Variants in SLIT3 observed in about 807,000 individuals in gnomAD.
SLIT3 encodes slit homolog 3 protein.
SLIT3 carries 68 observed loss-of-function variants against 184.0 expected under a neutral mutation model. The observed-to-expected ratio is 0.37, with a 90% CI of 0.30 to 0.45. SLIT3 has a LOEUF of 0.45. SLIT3 is among the 20% of genes least tolerant of loss of function. The pLI, the probability that SLIT3 is intolerant of heterozygous loss-of-function variation, is 1.00. For missense variants in SLIT3, 1,707 were observed against 2,026.0 expected (o/e 0.84, Z 3.02); for synonymous variants, 831 against 828.6 (o/e 1.00, Z -0.05).
intron 5 of SLIT3, among the ~76,000 whole-genome samples, chr5:168,863,051 C>T (rs898930135): frequency 1.3e-5 from 2 of 152,150 alleles, no homozygotes; most frequent in African/African-American, 4.8e-5. Context: ...GAGACGAATG[C>T]CATGCATACA....
intron 4 of SLIT3, among the ~76,000 whole-genome samples, chr5:168,947,981 G>A (rs111955900): frequency 0.06 from 9,091 of 151,704 alleles, 944 homozygotes; most frequent in African/African-American, 0.21. Flanking sequence ...AGTAGAGATG[G>A]GGGTCTCGCC....
At chr5:169,090,422 C>T (rs1759532603) in intron 4 of SLIT3, among the ~76,000 whole-genome samples, 2 of 152,250 alleles carry the variant, frequency 1.3e-5, no homozygotes, top group South Asian at 2.1e-4. Context: ...AACAACCCCA[C>T]GGAGTCACAG....
chr5:169,125,789 G>A (rs1473155859), intron 4 of SLIT3, among the ~76,000 whole-genome samples: 4 of 152,186 alleles, frequency 2.6e-5, no homozygotes, highest in African/African-American at 7.2e-5. Flanking sequence ...TCCTGCCAAC[G>A]AACGCATTCC....
intron 16 of SLIT3, among the ~76,000 whole-genome samples, chr5:168,756,676 T>C (rs1754958716): frequency 6.6e-6 from 1 of 152,186 alleles, no homozygotes; most frequent in Non-Finnish European, 1.5e-5. Context: ...CTGAGGAGAC[T>C]GCCAATTACC....
chr5:169,189,240 C>T (rs2113460963), intron 4 of SLIT3, among the ~76,000 whole-genome samples: 1 of 152,018 alleles, frequency 6.6e-6, no homozygotes, highest in East Asian at 1.9e-4. Flanking sequence ...AAGGGAATCC[C>T]TTGGATATAT....
chr5:168,939,348 G>C (rs2113200048), intron 4 of SLIT3, among the ~76,000 whole-genome samples: 1 of 152,274 alleles, frequency 6.6e-6, no homozygotes, highest in South Asian at 2.1e-4. Context: ...TACTGGACAA[G>C]GAATTCTGGC....
chr5:168,865,335 C>G (rs997148983), intron 5 of SLIT3, among the ~76,000 whole-genome samples: 1 of 152,058 alleles, frequency 6.6e-6, no homozygotes, highest in African/African-American at 2.4e-5. Flanking sequence ...GGAAACAATC[C>G]AAATGCCCAT....
chr5:168,692,404 A>C (rs1165282267), intron 29 of SLIT3, among the ~76,000 whole-genome samples: 1 of 152,128 alleles, frequency 6.6e-6, no homozygotes, highest in African/African-American at 2.4e-5. Flanking sequence ...CTATCTACAG[A>C]GACTTAGAGA....
intron 4 of SLIT3, among the ~76,000 whole-genome samples, chr5:169,059,590 GT>G (rs1262442426): frequency 1.3e-5 from 2 of 152,180 alleles, no homozygotes; most frequent in East Asian, 3.8e-4. Context: ...GCCCACACAT[GT>G]AATTAGCATG....
At chr5:168,858,569 C>T (rs535350387) in intron 5 of SLIT3, among the ~76,000 whole-genome samples, 1 of 152,384 alleles carries the variant, frequency 6.6e-6, no homozygotes, top group Non-Finnish European at 1.5e-5. Context: ...ACTCTATCCA[C>T]AAACTCCCCT....
chr5:168,841,730 A>C (rs369775764), intron 6 of SLIT3, among the ~76,000 whole-genome samples: 2 of 152,352 alleles, frequency 1.3e-5, no homozygotes, highest in South Asian at 4.1e-4. Context: ...ATGGAATAAC[A>C]GGGTTATTGC....
At chr5:169,047,754 G>C (rs1757674809) in intron 4 of SLIT3, among the ~76,000 whole-genome samples, 1 of 151,982 alleles carries the variant, frequency 6.6e-6, no homozygotes, top group South Asian at 2.1e-4. Context: ...TGGGATACTT[G>C]TTCCCCTCAC....
Position 168,878,410 on chromosome 5 carries a change from C to T in SLIT3, c.485+4855G>A, listed in dbSNP as rs574469470. Among the ~76,000 whole-genome samples, 36 of 152,338 alleles carry T rather than the reference C, an allele frequency of 2.4e-4. 2 individuals are homozygous for T. The South Asian group carries it at 6.4e-3, about 27-fold the overall frequency. On this transcript the variant is annotated intron_variant, in intron 5 of 35. Coordinates refer to ENST00000519560, the MANE Select transcript of SLIT3 (RefSeq NM_003062.4). ...GTCCACAGGGCTCAGAGGCCGCCTGCGTCCTTTCTCTGGGCTCTGATAAAA... is the reference window on the plus strand; with the variant it reads ...GTCCACAGGGCTCAGAGGCCGCCTGTGTCCTTTCTCTGGGCTCTGATAAAA...
chr5:169,290,186 G>A (rs1767298897), intron 1 of SLIT3, among the ~76,000 whole-genome samples: 1 of 151,586 alleles, frequency 6.6e-6, no homozygotes, highest in Admixed American at 6.6e-5. Context: ...CATATGCTAG[G>A]GTGTGCACTA....
At chr5:169,184,737 C>A (rs1011256886) in intron 4 of SLIT3, among the ~76,000 whole-genome samples, 1 of 152,170 alleles carries the variant, frequency 6.6e-6, no homozygotes, top group African/African-American at 2.4e-5. Flanking sequence ...TGAAAACCAA[C>A]CATAGCCTAG....
chr5:169,174,319 G>A (rs1762903914), intron 4 of SLIT3, among the ~76,000 whole-genome samples: 1 of 152,176 alleles, frequency 6.6e-6, no homozygotes, highest in Admixed American at 6.5e-5. Flanking sequence ...GAAGTAGTCA[G>A]ACCCCCATGA....
intron 4 of SLIT3, among the ~76,000 whole-genome samples, chr5:168,926,265 C>A (rs555905418): frequency 9.3e-4 from 141 of 152,302 alleles, no homozygotes; most frequent in African/African-American, 3.2e-3. Context: ...AGCCAAAAAA[C>A]TATAAGCTAT....
At chr5:168,722,149 G>C in intron 23 of SLIT3, 107 bp downstream of exon 23, 1 of 935,764 alleles carries the variant, frequency 1.1e-6, no homozygotes, top group Non-Finnish European at 1.7e-6. Flanking sequence ...GGTGTGTTTG[G>C]GGGTGGAGTG....
At chr5:169,160,415 G>GA (rs764966315) in intron 4 of SLIT3, among the ~76,000 whole-genome samples, 16 of 152,166 alleles carry the variant, frequency 1.1e-4, no homozygotes, top group Non-Finnish European at 1.6e-4. Context: ...AAATACCTAA[G>GA]AAAAAAGAGA....
Sources: gnomAD v4.1 joint callset for allele counts (sites outside exome capture counted in the v4.1 genomes callset) on GRCh38, gnomAD v4.1.1 for gene constraint, MANE v1.5 for transcripts, NCBI Gene and HGNC (gene_info 2026-07-23, HGNC 2026-07-21) for gene names.